Variants in STK3 observed in about 807,000 individuals in gnomAD.
The protein encoded by STK3 is serine/threonine-protein kinase 3.
STK3 carries 41 observed loss-of-function variants against 58.0 expected under a neutral mutation model. That is an observed-to-expected ratio of 0.71 (90% CI 0.55 to 0.92). The LOEUF is 0.92. Among genes scored for constraint, STK3 ranks in the 40% least tolerant of loss-of-function variants. The pLI is 0.00. For missense variants in STK3, 479 were observed against 602.7 expected (o/e 0.79, Z 2.15); for synonymous variants, 170 against 191.0 (o/e 0.89, Z 0.91).
intron 1 of STK3, among the ~76,000 whole-genome samples, chr8:98,888,183 G>T (rs1233922475): frequency 6.6e-6 from 1 of 152,146 alleles, no homozygotes; most frequent in Non-Finnish European, 1.5e-5. Flanking sequence ...TCTGAGCATG[G>T]TGGTGCGTGT....
intron 4 of STK3, among the ~76,000 whole-genome samples, chr8:98,737,403 A>G (rs1828689587): frequency 6.6e-6 from 1 of 152,214 alleles, no homozygotes. Flanking sequence ...GATTAAGAGA[A>G]ATAAATGGGG....
In STK3 at chr8:98,599,006, T is replaced by C. The variant is rs1328394629; in HGVS notation, c.685-2837A>G. 10 of 577,916 alleles carry C rather than the reference T, an allele frequency of 1.7e-5. No individual in the cohort carries two copies. In the Admixed American group the frequency reaches 6.4e-4, roughly 37 times the overall value. 35.8% of individuals were successfully genotyped at this position (577,916 alleles called of 1,614,324 possible). A position where few individuals can be genotyped will look rare whatever the true frequency, so the allele number is the denominator to read the frequency against. On this transcript the variant is annotated intron_variant, in intron 6 of 10. Coordinates refer to ENST00000419617, the MANE Select transcript of STK3 (RefSeq NM_006281.4). ...AAGGGCTGAAAATGAGAATCAACAATGACTGAACTTTATAATCTCAGTGGA... is the reference window on the plus strand; with the variant it reads ...AAGGGCTGAAAATGAGAATCAACAACGACTGAACTTTATAATCTCAGTGGA...
chr8:98,736,533 T>C (rs1828611807), intron 4 of STK3, among the ~76,000 whole-genome samples: 1 of 152,224 alleles, frequency 6.6e-6, no homozygotes, highest in Admixed American at 6.5e-5. Context: ...AATGTTTTAT[T>C]TAAAAGACAT....
rs571506745 is a variant in STK3, at chr8:98,522,362, T to C, written c.1317+4380A>G. On this transcript the variant is annotated intron_variant, in intron 10 of 10. Coordinates refer to ENST00000419617, the MANE Select transcript of STK3 (RefSeq NM_006281.4). ...TTTCTATTAGATTGTCTGCAAAGTA[T>C]ACTGTAATAATTCCTTCCATCTCAT... Among the ~76,000 whole-genome samples the C allele has an allele frequency of 7.9e-5, 12 of 152,306 alleles. No individual in the cohort carries two copies. In the South Asian group the frequency reaches 1.9e-3, roughly 24 times the overall value.
At chr8:98,716,453 T>C (rs1396879326) in intron 4 of STK3, among the ~76,000 whole-genome samples, 2 of 152,030 alleles carry the variant, frequency 1.3e-5, no homozygotes, top group African/African-American at 4.8e-5. Context: ...AATAAAATAC[T>C]TAGGAATTAA....
At chr8:98,692,984 T>C (rs1824522286) in intron 6 of STK3, among the ~76,000 whole-genome samples, 1 of 152,110 alleles carries the variant, frequency 6.6e-6, no homozygotes, top group Non-Finnish European at 1.5e-5. Flanking sequence ...GCAGATATAA[T>C]TAAGTTAAGA....
chr8:98,500,740 A>G (rs893139843), intron 10 of STK3, among the ~76,000 whole-genome samples: 1 of 152,088 alleles, frequency 6.6e-6, no homozygotes, highest in African/African-American at 2.4e-5. Context: ...ACATGAACTC[A>G]TCCCTTTTTT....
chr8:98,552,682 T>A (rs1469375694), intron 8 of STK3, among the ~76,000 whole-genome samples: 1 of 152,150 alleles, frequency 6.6e-6, no homozygotes, highest in Non-Finnish European at 1.5e-5. Flanking sequence ...CATTTTCCAT[T>A]CTTCTGTATT....
intron 2 of STK3, among the ~76,000 whole-genome samples, chr8:98,373,370 T>C (rs1347167069): frequency 6.6e-6 from 1 of 152,216 alleles, no homozygotes; most frequent in Non-Finnish European, 1.5e-5. Context: ...GTGTGCTTTC[T>C]ACATGACTTG....
At chr8:98,857,519 G>C (rs1836727127) in intron 3 of STK3, among the ~76,000 whole-genome samples, 1 of 149,986 alleles carries the variant, frequency 6.7e-6, no homozygotes, top group Admixed American at 6.6e-5. Flanking sequence ...AGAGTACTAA[G>C]TTTCTATCAA....
intron 3 of STK3, among the ~76,000 whole-genome samples, chr8:98,850,254 G>T (rs1836401861): frequency 1.3e-5 from 2 of 152,138 alleles, no homozygotes. Flanking sequence ...GCACACTACA[G>T]CTTTGAACTC....
At chr8:98,665,023 A>G (rs951255716) in intron 6 of STK3, among the ~76,000 whole-genome samples, 1 of 152,200 alleles carries the variant, frequency 6.6e-6, no homozygotes, top group Non-Finnish European at 1.5e-5. Flanking sequence ...AATTGTATGT[A>G]CTGTTCTTTC....
intron 10 of STK3, among the ~76,000 whole-genome samples, chr8:98,479,661 CACAAGAA>C (rs1821691075): frequency 6.6e-6 from 1 of 152,138 alleles, no homozygotes; most frequent in African/African-American, 2.4e-5. Context: ...CTTCCCCCTC[CACAAGAA>C]AACATTTACA....
At chr8:98,618,265 C>G (rs1215798763) in intron 6 of STK3, among the ~76,000 whole-genome samples, 12 of 148,290 alleles carry the variant, frequency 8.1e-5, no homozygotes, top group South Asian at 2.2e-4. Flanking sequence ...ATTCAACAAC[C>G]CTTCATGCTA....
At chr8:98,903,549 T>TCTC (rs1564093602) in intron 1 of STK3, among the ~76,000 whole-genome samples, 1 of 44,990 alleles carries the variant, frequency 2.2e-5, no homozygotes, top group Non-Finnish European at 4.0e-5. Flanking sequence ...TTCTTCTTCT[T>TCTC]CTTCTTCCTT....
intron 10 of STK3, among the ~76,000 whole-genome samples, chr8:98,509,099 G>C (rs1249019786): frequency 1.3e-5 from 2 of 151,922 alleles, no homozygotes; most frequent in African/African-American, 2.4e-5. Flanking sequence ...TAACCTGCTA[G>C]AGATTCAGCA....
At chr8:98,703,947 A>C (rs1825792075) in intron 6 of STK3, among the ~76,000 whole-genome samples, 1 of 152,218 alleles carries the variant, frequency 6.6e-6, no homozygotes, top group Non-Finnish European at 1.5e-5. Context: ...AAGTTTATTA[A>C]TTCTATTAAA....
At chr8:98,448,220 A>G (rs1819042382) in intron 1 of STK3, among the ~76,000 whole-genome samples, 1 of 152,158 alleles carries the variant, frequency 6.6e-6, no homozygotes, top group Admixed American at 6.5e-5. Context: ...CATGCTAAGC[A>G]TGCAAACTGA....
chr8:98,551,916 T>A (rs1811203077), intron 8 of STK3, among the ~76,000 whole-genome samples: 2 of 152,086 alleles, frequency 1.3e-5, no homozygotes, highest in South Asian at 4.1e-4. Flanking sequence ...AGAAACTAAT[T>A]CAAACCATCA....
Sources: gnomAD v4.1 joint callset for allele counts (sites outside exome capture counted in the v4.1 genomes callset) on GRCh38, gnomAD v4.1.1 for gene constraint, MANE v1.5 for transcripts, NCBI Gene and HGNC (gene_info 2026-07-23, HGNC 2026-07-21) for gene names.